KANSL1: variants seen among roughly 807,000 people sequenced by gnomAD.
KANSL1 encodes the protein KAT8 regulatory NSL complex subunit 1, also known as MLL1/MLL complex subunit KANSL1.
In KANSL1, 22 loss-of-function variants were observed where a neutral mutation model predicts 103.6. That is an observed-to-expected ratio of 0.21 (90% CI 0.15 to 0.30). The LOEUF (loss-of-function observed/expected upper bound fraction) is 0.30. Among genes scored for constraint, KANSL1 ranks in the 10% least tolerant of loss-of-function variants. The pLI, the probability that KANSL1 is intolerant of heterozygous loss-of-function variation, is 1.00. For missense variants in KANSL1, 1,337 were observed against 1,399.8 expected (o/e 0.96, Z 0.72); for synonymous variants, 600 against 527.6 (o/e 1.14, Z -1.88).
chr17:46,125,085 A>AGAGGGAGGGAGG (rs1349048192), intron 2 of KANSL1, among the ~76,000 whole-genome samples: 4 of 33,934 alleles, frequency 1.2e-4, no homozygotes, highest in African/African-American at 3.4e-4. Context: ...AGGGAGGGAG[A>AGAGGGAGGGAGG]GAGGGAGGGA....
At chr17:46,163,794 C>T (rs564533858) in intron 2 of KANSL1, among the ~76,000 whole-genome samples, 92 of 152,328 alleles carry the variant, frequency 6.0e-4, no homozygotes, top group African/African-American at 2.2e-3. Flanking sequence ...GGAATTATCT[C>T]TTTTTCTTCT....
rs202001253 is a variant in KANSL1 at position 46,033,395 on chromosome 17, G to A, written c.2724+8C>T. ...CGTGTTCTTCTAACAGAAGAACCAG[G>A]CCATTACCTCTTCATTCTCCTCATC... is the stretch of plus-strand genomic sequence containing the variant. On this transcript the variant is annotated splice_region_variant and intron_variant, in intron 12 of 14. Transcript: ENST00000432791. 2 of 1,613,668 alleles carry A rather than the reference G, an allele frequency of 1.2e-6. No homozygotes were observed. Among genetic ancestry groups the A allele is most frequent in the Non-Finnish European group, 1.7e-6 (2 of 1,179,620 alleles).
chr17:46,038,924 A>C, intron 9 of KANSL1, 103 bp downstream of exon 9: 1 of 1,418,606 alleles, frequency 7.0e-7, no homozygotes, highest in South Asian at 1.3e-5. Context: ...CTTTCCTAGA[A>C]AGTGAAGGAC....
chr17:46,188,597 A>G (rs1028940939), intron 1 of KANSL1, among the ~76,000 whole-genome samples: 10 of 152,172 alleles, frequency 6.6e-5, no homozygotes, highest in Non-Finnish European at 1.5e-5. Flanking sequence ...CCTGCCCTGT[A>G]CTCCTTTCTT....
At chr17:46,213,579 A>AT (rs1301524911) in intron 1 of KANSL1, among the ~76,000 whole-genome samples, 1 of 142,750 alleles carries the variant, frequency 7.0e-6, no homozygotes, top group Admixed American at 7.1e-5. Flanking sequence ...AAGTGCTGGG[A>AT]TTACAGGCGT....
chr17:46,085,141 A>G (rs985118146), intron 3 of KANSL1, among the ~76,000 whole-genome samples: 6 of 152,164 alleles, frequency 3.9e-5, no homozygotes, highest in Non-Finnish European at 8.8e-5. Context: ...CTCCTAGACA[A>G]ATGTTTCAAT....
intron 2 of KANSL1, among the ~76,000 whole-genome samples, chr17:46,119,403 G>T (rs1197295563): frequency 2.0e-5 from 3 of 151,594 alleles, no homozygotes; most frequent in Non-Finnish European, 4.4e-5. Context: ...CGCTTCCCAG[G>T]TTCAACTGAT....
In KANSL1 at chr17:46,039,843, G is replaced by C; in HGVS notation, c.2062C>G (p.Gln688Glu). ...SLHFQSMLKSQWQNKPFDKIK... is the reference protein window; with the variant it reads ...SLHFQSMLKSEWQNKPFDKIK... ...TTGTCAAAAGGCTTGTTCTGCCACT[G>C]AGATTTCAGCATGCTCTGGAAATGC... Residue 688 changes from glutamine (Q) to glutamate (E), a missense_variant, in exon 8 of 15, where the codon CAG becomes GAG. Transcript: ENST00000432791. 1 of 1,614,194 alleles carries C rather than the reference G, an allele frequency of 6.2e-7. No individual in the cohort carries two copies. The highest frequency in any genetic ancestry group is 8.5e-7 in the Non-Finnish European group (1 of 1,180,036).
chr17:46,212,406 A>G (rs1318388193), intron 1 of KANSL1, among the ~76,000 whole-genome samples: 2 of 152,078 alleles, frequency 1.3e-5, no homozygotes. Context: ...TTTTTAGTAG[A>G]GATGGGGTTT....
intron 2 of KANSL1, among the ~76,000 whole-genome samples, chr17:46,160,210 T>C (rs1171147631): frequency 2.6e-5 from 4 of 152,210 alleles, no homozygotes; most frequent in Non-Finnish European, 5.9e-5. Context: ...CAATAAATAC[T>C]AATTCCTTTC....
At chr17:46,105,948 C>CACACACACA (rs373189477) in intron 2 of KANSL1, among the ~76,000 whole-genome samples, 20 of 39,034 alleles carry the variant, frequency 5.1e-4, no homozygotes, top group African/African-American at 1.7e-3. Context: ...CACACACACA[C>CACACACACA]CCCCCCAGAA....
At chr17:46,182,130 A>G (rs2046823552) in intron 1 of KANSL1, among the ~76,000 whole-genome samples, 1 of 152,236 alleles carries the variant, frequency 6.6e-6, no homozygotes, top group African/African-American at 2.4e-5. Context: ...AGCTTGGTAC[A>G]TAGTAAGTGC....
chr17:46,128,654 A>C (rs1163256847), intron 2 of KANSL1, among the ~76,000 whole-genome samples: 1 of 152,248 alleles, frequency 6.6e-6, no homozygotes, highest in Non-Finnish European at 1.5e-5. Flanking sequence ...AAAGCTTTCC[A>C]GGCAGAAGGA....
intron 2 of KANSL1, among the ~76,000 whole-genome samples, chr17:46,111,109 T>C (rs2042783399): frequency 6.6e-6 from 1 of 152,282 alleles, no homozygotes. Flanking sequence ...GTCTGATGCA[T>C]TTCTTAAGCG....
chr17:46,144,403 A>G (rs1413550034), intron 2 of KANSL1, among the ~76,000 whole-genome samples: 1 of 152,226 alleles, frequency 6.6e-6, no homozygotes, highest in Non-Finnish European at 1.5e-5. Flanking sequence ...TGCATATTCA[A>G]ATTTAAACCA....
chr17:46,221,264 AAAC>A, intron 1 of KANSL1: 1 of 152,148 alleles, frequency 6.6e-6, no homozygotes, highest in Non-Finnish European at 1.5e-5. Context: ...GAACTACCTG[AAAC>A]AACTGATGAT....
chr17:46,123,841 G>T (rs2043393666), intron 2 of KANSL1, among the ~76,000 whole-genome samples: 1 of 152,230 alleles, frequency 6.6e-6, no homozygotes, highest in African/African-American at 2.4e-5. Context: ...TTATCCAGAA[G>T]ATCTAGCTAA....
intron 2 of KANSL1, among the ~76,000 whole-genome samples, chr17:46,150,125 A>G (rs925231009): frequency 2.0e-5 from 3 of 150,952 alleles, no homozygotes; most frequent in East Asian, 1.9e-4. Context: ...GGCTTCCTCC[A>G]TGAGTATAAT....
chr17:46,058,048 T>C (rs1419850384), intron 6 of KANSL1, among the ~76,000 whole-genome samples: 1 of 152,164 alleles, frequency 6.6e-6, no homozygotes, highest in Non-Finnish European at 1.5e-5. Context: ...CAGAGTATAA[T>C]AGCTTCACTG....
Sources: allele counts gnomAD v4.1 joint callset (sites outside exome capture counted in the v4.1 genomes callset), GRCh38; gene constraint gnomAD v4.1.1; transcripts MANE v1.5; gene names NCBI Gene and HGNC (gene_info 2026-07-23, HGNC 2026-07-21).